XKR4: variants seen among roughly 807,000 people sequenced by gnomAD.
XKR4 encodes the protein XK-related protein 4.
XKR4 carries 12 observed loss-of-function variants against 53.9 expected under a neutral mutation model. The ratio of observed to expected loss-of-function variants is 0.22; its 90% CI spans 0.14 to 0.36. The LOEUF (loss-of-function observed/expected upper bound fraction) is 0.36. Ranked by LOEUF, XKR4 falls within the 10% of genes least tolerant of loss-of-function variation. The pLI, the probability that XKR4 is intolerant of heterozygous loss-of-function variation, is 1.00. For missense variants in XKR4, 799 were observed against 859.5 expected (o/e 0.93, Z 0.88); for synonymous variants, 354 against 362.4 (o/e 0.98, Z 0.26).
intron 1 of XKR4, among the ~76,000 whole-genome samples, chr8:55,324,266 T>G (rs1803260787): frequency 6.6e-6 from 1 of 152,180 alleles, no homozygotes; most frequent in Non-Finnish European, 1.5e-5. Flanking sequence ...TGGCTACTTT[T>G]TTAATGTTTT....
chr8:55,287,692 A>G (rs532127228), intron 1 of XKR4, among the ~76,000 whole-genome samples: 16 of 152,338 alleles, frequency 1.1e-4, no homozygotes, highest in Non-Finnish European at 2.1e-4. Flanking sequence ...TCAGCCTCTC[A>G]GCCCTCCTTT....
At chr8:55,298,284 T>A (rs1819128339) in intron 1 of XKR4, among the ~76,000 whole-genome samples, 1 of 152,164 alleles carries the variant, frequency 6.6e-6, no homozygotes, top group African/African-American at 2.4e-5. Flanking sequence ...AGATCACCTA[T>A]AACCTTTACT....
At chr8:55,468,808 G>A (rs1805827262) in intron 2 of XKR4, among the ~76,000 whole-genome samples, 1 of 152,076 alleles carries the variant, frequency 6.6e-6, no homozygotes, top group Non-Finnish European at 1.5e-5. Flanking sequence ...TTGACTTGAG[G>A]TTTTCTGCTT....
chr8:55,369,121 G>T (rs893840845), intron 2 of XKR4, among the ~76,000 whole-genome samples: 1 of 151,858 alleles, frequency 6.6e-6, no homozygotes, highest in Non-Finnish European at 1.5e-5. Flanking sequence ...TAGCACTTTG[G>T]GAGTCCAAGG....
chr8:55,206,580 GA>G (rs920433764), intron 1 of XKR4, among the ~76,000 whole-genome samples: 2 of 151,710 alleles, frequency 1.3e-5, no homozygotes, highest in Non-Finnish European at 2.9e-5. Flanking sequence ...AGCCAGAGAT[GA>G]AAAAAAATAA....
At chr8:55,446,355 T>C (rs903000993) in intron 2 of XKR4, among the ~76,000 whole-genome samples, 1 of 152,172 alleles carries the variant, frequency 6.6e-6, no homozygotes, top group African/African-American at 2.4e-5. Flanking sequence ...ATTTCTTTTT[T>C]TTTTGACACA....
At chr8:55,452,760 G>A (rs2929048) in intron 2 of XKR4, 1 of 828,380 alleles carries the variant, frequency 1.2e-6, no homozygotes, top group Non-Finnish European at 2.1e-6. Flanking sequence ...GCCGCTCCCC[G>A]TGTCATAGCT....
At chr8:55,189,719 G>C (rs1452298557) in intron 1 of XKR4, among the ~76,000 whole-genome samples, 1 of 152,128 alleles carries the variant, frequency 6.6e-6, no homozygotes, top group South Asian at 2.1e-4. Flanking sequence ...CCAAAACATC[G>C]TTATGCTGCA....
At chr8:55,462,703 C>A (rs1805681762) in intron 2 of XKR4, among the ~76,000 whole-genome samples, 1 of 152,170 alleles carries the variant, frequency 6.6e-6, no homozygotes, top group African/African-American at 2.4e-5. Context: ...AGTCAAGACC[C>A]ATCGGTGTGC....
chr8:55,307,479 C>T (rs1026430274), intron 1 of XKR4, among the ~76,000 whole-genome samples: 1 of 152,066 alleles, frequency 6.6e-6, no homozygotes, highest in Non-Finnish European at 1.5e-5. Context: ...TAGGGAGACA[C>T]TATCTTTACA....
At chr8:55,328,451 C>G (rs1803327426) in intron 1 of XKR4, among the ~76,000 whole-genome samples, 1 of 152,218 alleles carries the variant, frequency 6.6e-6, no homozygotes, top group African/African-American at 2.4e-5. Context: ...CATCTCCTCA[C>G]TCCCCACATC....
chr8:55,236,071 A>T (rs1818117478), intron 1 of XKR4, among the ~76,000 whole-genome samples: 1 of 152,056 alleles, frequency 6.6e-6, no homozygotes, highest in Non-Finnish European at 1.5e-5. Flanking sequence ...GTTTGCACTG[A>T]TCCTAAAGTG....
At chr8:55,198,717 TA>T (rs1306041447) in intron 1 of XKR4, among the ~76,000 whole-genome samples, 1 of 152,132 alleles carries the variant, frequency 6.6e-6, no homozygotes, top group African/African-American at 2.4e-5. Context: ...TTTGTTATAA[TA>T]AATAACAATC....
intron 1 of XKR4, among the ~76,000 whole-genome samples, chr8:55,299,392 C>A (rs1819147179): frequency 6.6e-6 from 1 of 152,080 alleles, no homozygotes; most frequent in Non-Finnish European, 1.5e-5. Context: ...GAGGGAGAAG[C>A]CAACAGTGAG....
At chr8:55,440,919 T>C (rs778501666) in intron 2 of XKR4, among the ~76,000 whole-genome samples, 42 of 151,954 alleles carry the variant, frequency 2.8e-4, no homozygotes, top group Non-Finnish European at 4.6e-4. Flanking sequence ...ATAGAAGCTG[T>C]CAAATACAAC....
chr8:55,314,350 T>G (rs1424081061), intron 1 of XKR4, among the ~76,000 whole-genome samples: 1 of 152,146 alleles, frequency 6.6e-6, no homozygotes, highest in East Asian at 1.9e-4. Context: ...CCAGGAGACC[T>G]GGTAGTCATA....
intron 1 of XKR4, among the ~76,000 whole-genome samples, chr8:55,312,657 T>A (rs893396180): frequency 6.6e-6 from 1 of 152,360 alleles, no homozygotes; most frequent in South Asian, 2.1e-4. Context: ...CCATCATTGA[T>A]GTAATTAACG....
At chr8:55,279,845 G>C (rs1235290766) in intron 1 of XKR4, among the ~76,000 whole-genome samples, 1 of 152,214 alleles carries the variant, frequency 6.6e-6, no homozygotes, top group Non-Finnish European at 1.5e-5. Flanking sequence ...CTAGGTATGA[G>C]TGCAATAGAT....
chr8:55,388,282 A>G (rs1467972056), intron 2 of XKR4, among the ~76,000 whole-genome samples: 1 of 152,180 alleles, frequency 6.6e-6, no homozygotes, highest in Non-Finnish European at 1.5e-5. Flanking sequence ...ATTTCCTTTT[A>G]AGGCCAAAAA....
Sources: allele counts gnomAD v4.1 joint callset (sites outside exome capture counted in the v4.1 genomes callset), GRCh38; gene constraint gnomAD v4.1.1; transcripts MANE v1.5; gene names NCBI Gene and HGNC (gene_info 2026-07-23, HGNC 2026-07-21).